MYO1D: variants seen among roughly 807,000 people sequenced by gnomAD.
MYO1D encodes unconventional myosin-Id.
In MYO1D, 83 loss-of-function variants were observed where a neutral mutation model predicts 122.0. The ratio of observed to expected loss-of-function variants is 0.68; its 90% CI spans 0.57 to 0.82. The LOEUF (loss-of-function observed/expected upper bound fraction) is 0.82. MYO1D is among the 40% of genes least tolerant of loss of function. The probability of loss-of-function intolerance (pLI) is 0.00; values close to 1 mark genes in which losing one functional copy is unlikely to be tolerated. For missense variants in MYO1D, 1,157 were observed against 1,269.5 expected (o/e 0.91, Z 1.35); for synonymous variants, 464 against 446.9 (o/e 1.04, Z -0.48).
intron 16 of MYO1D, chr17:32,684,387 TTG>T (rs2088975305): frequency 6.6e-6 from 1 of 152,262 alleles, no homozygotes; most frequent in Non-Finnish European, 1.5e-5. Flanking sequence ...CACTCATGTT[TTG>T]TGTGACTAGA....
intron 21 of MYO1D, among the ~76,000 whole-genome samples, chr17:32,547,958 A>C (rs960835574): frequency 6.6e-6 from 1 of 151,862 alleles, no homozygotes; most frequent in African/African-American, 2.4e-5. Flanking sequence ...TTAAAAAAAA[A>C]AAAAAATTCA....
rs115044351 is a variant in MYO1D at position 32,828,903 on chromosome 17, C to T, written c.95+47875G>A. ...CCTGCTATGGAAACGGAGGCACACA[C>T]ATACAAGTCGGGTAAACCTGCTTAA... is the stretch of plus-strand genomic sequence containing the variant. On this transcript the variant is annotated intron_variant, in intron 1 of 21. Transcript: ENST00000318217. Among the ~76,000 whole-genome samples, 607 of 152,282 alleles carry T rather than the reference C, an allele frequency of 4.0e-3. 3 individuals are homozygous for T. Among genetic ancestry groups the T allele is most frequent in the African/African-American group, 0.013 (558 of 41,552 alleles).
rs139528450 is a variant in MYO1D at position 32,862,536 on chromosome 17, G to C, written c.95+14242C>G. On this transcript the variant is annotated intron_variant, in intron 1 of 21. Coordinates refer to ENST00000318217, the MANE Select transcript of MYO1D (RefSeq NM_015194.3). ...GTACATTTTTTATATGTCTAGAAAAGACTGTAAAGGAAATAAATCAAGGTA... is the reference window on the plus strand; with the variant it reads ...GTACATTTTTTATATGTCTAGAAAACACTGTAAAGGAAATAAATCAAGGTA... Among the ~76,000 whole-genome samples the C allele has an allele frequency of 2.5e-3, 378 of 152,320 alleles. 1 individual carries two copies. The highest frequency in any genetic ancestry group is 8.2e-3 in the African/African-American group (342 of 41,572).
chr17:32,690,533 G>A (rs2089083183), intron 16 of MYO1D, among the ~76,000 whole-genome samples: 1 of 152,132 alleles, frequency 6.6e-6, no homozygotes, highest in South Asian at 2.1e-4. Flanking sequence ...TATCCCCTTC[G>A]AATCTCCAGT....
chr17:32,832,448 C>T lies in MYO1D; in HGVS notation c.95+44330G>A, dbSNP rs534771120. Among the ~76,000 whole-genome samples the T allele has an allele frequency of 1.6e-3, 245 of 152,094 alleles. 1 individual carries two copies. Among genetic ancestry groups the T allele is most frequent in the African/African-American group, 5.4e-3 (226 of 41,512 alleles). On this transcript the variant is annotated intron_variant, in intron 1 of 21. Transcript: ENST00000318217. Reference sequence around the variant, plus strand: ...CCGAGTAGCTGGGACTACAGGCGCCCGCCACCACGCCCAGCTAATTTTTGT... The same window carrying T: ...CCGAGTAGCTGGGACTACAGGCGCCTGCCACCACGCCCAGCTAATTTTTGT...
At chr17:32,717,107 C>T (rs1010259548) in intron 15 of MYO1D, among the ~76,000 whole-genome samples, 1 of 152,130 alleles carries the variant, frequency 6.6e-6, no homozygotes, top group Non-Finnish European at 1.5e-5. Flanking sequence ...CTGGATGAGC[C>T]ACATAAAAGG....
chr17:32,732,983 C>A (rs1234147049), intron 14 of MYO1D, among the ~76,000 whole-genome samples: 4 of 152,228 alleles, frequency 2.6e-5, no homozygotes, highest in Non-Finnish European at 1.5e-5. Context: ...CCAGCCGCAG[C>A]CTCACAGGGA....
chr17:32,528,285 G>A (rs1910406692), intron 21 of MYO1D, among the ~76,000 whole-genome samples: 3 of 152,314 alleles, frequency 2.0e-5, no homozygotes, highest in Admixed American at 2.0e-4. Flanking sequence ...TCTGCCCTTT[G>A]GAGAGCTGGT....
intron 21 of MYO1D, among the ~76,000 whole-genome samples, chr17:32,546,326 A>G (rs2086964510): frequency 6.6e-6 from 1 of 152,142 alleles, no homozygotes; most frequent in South Asian, 2.1e-4. Context: ...TGCTGATGCT[A>G]TTGCCATGGA....
At chr17:32,529,804 G>A (rs940755850) in intron 21 of MYO1D, 1 of 152,242 alleles carries the variant, frequency 6.6e-6, no homozygotes, top group African/African-American at 2.4e-5. Flanking sequence ...TGCCTTCCAA[G>A]AGGCTCTCCA....
At chr17:32,810,474 C>G (rs559695496) in intron 1 of MYO1D, among the ~76,000 whole-genome samples, 1 of 150,992 alleles carries the variant, frequency 6.6e-6, no homozygotes. Flanking sequence ...AGGTTAAGTC[C>G]GTAACTTTTT....
chr17:32,714,275 G>C (rs183178774), intron 15 of MYO1D, among the ~76,000 whole-genome samples: 1 of 140,902 alleles, frequency 7.1e-6, no homozygotes, highest in African/African-American at 2.7e-5. Context: ...ATATGTCCAC[G>C]TGTTCTCATT....
At chr17:32,641,666 G>A (rs1320251091) in intron 19 of MYO1D, among the ~76,000 whole-genome samples, 1 of 152,164 alleles carries the variant, frequency 6.6e-6, no homozygotes, top group Non-Finnish European at 1.5e-5. Flanking sequence ...GTTTTGATTT[G>A]CATTTCTCTG....
At chr17:32,578,194 T>C (rs1273615283) in intron 21 of MYO1D, among the ~76,000 whole-genome samples, 1 of 152,220 alleles carries the variant, frequency 6.6e-6, no homozygotes, top group African/African-American at 2.4e-5. Flanking sequence ...GTAAAAATAT[T>C]TCCCTTTGTT....
At chr17:32,583,120 T>A (rs1162722086) in intron 21 of MYO1D, among the ~76,000 whole-genome samples, 1 of 152,216 alleles carries the variant, frequency 6.6e-6, no homozygotes, top group African/African-American at 2.4e-5. Flanking sequence ...GTCTTTTAAT[T>A]CACCTTTGTT....
rs2249246 is a variant in MYO1D, at chr17:32,493,488, T to G, written c.*1271A>C. ...CCTCTGCCCACTCCACCTGAGGCGTTGGCTCCCTCCCCCTCATCCTCTCAC... is the reference window on the plus strand; with the variant it reads ...CCTCTGCCCACTCCACCTGAGGCGTGGGCTCCCTCCCCCTCATCCTCTCAC... On this transcript the variant is annotated 3_prime_UTR_variant, in exon 22 of 22. Coordinates refer to ENST00000318217, the MANE Select transcript of MYO1D (RefSeq NM_015194.3). 0.68 allele frequency: 103,296 copies of G among 152,264 alleles called. 36,734 individuals carry two copies. Among genetic ancestry groups the G allele is most frequent in the African/African-American group, 0.84 (34,878 of 41,488 alleles). The allele number at this position is 152,264 out of a possible 1,614,324, so 9.4% of individuals were successfully genotyped here.
intron 15 of MYO1D, among the ~76,000 whole-genome samples, chr17:32,713,172 T>C (rs1181001245): frequency 6.6e-6 from 1 of 152,236 alleles, no homozygotes; most frequent in African/African-American, 2.4e-5. Context: ...AGTACTTGTA[T>C]GTTTTCATTT....
At chr17:32,632,898 A>C (rs1034372748) in intron 20 of MYO1D, among the ~76,000 whole-genome samples, 4 of 152,178 alleles carry the variant, frequency 2.6e-5, no homozygotes, top group African/African-American at 9.7e-5. Flanking sequence ...AGGTGTATGG[A>C]CACTCGGTTT....
chr17:32,684,964 C>T (rs1336979647), intron 16 of MYO1D, among the ~76,000 whole-genome samples: 4 of 152,134 alleles, frequency 2.6e-5, no homozygotes, highest in Admixed American at 2.0e-4. Context: ...GTTCCGGCTT[C>T]CCTATTCATT....
Sources: gnomAD v4.1 joint callset for allele counts (sites outside exome capture counted in the v4.1 genomes callset) on GRCh38, gnomAD v4.1.1 for gene constraint, MANE v1.5 for transcripts, NCBI Gene and HGNC (gene_info 2026-07-23, HGNC 2026-07-21) for gene names.